Variants in DHX15 observed in about 807,000 individuals in gnomAD.
DHX15 encodes the protein DEAH-box helicase 15.
DHX15 carries 11 observed loss-of-function variants against 94.4 expected under a neutral mutation model. The observed-to-expected ratio is 0.12, with a 90% confidence interval of 0.07 to 0.19. The LOEUF is 0.19. Among genes scored for constraint, DHX15 ranks in the 10% least tolerant of loss-of-function variants. The pLI is 1.00. For missense variants in DHX15, 304 were observed against 988.5 expected (o/e 0.31, Z 9.29); for synonymous variants, 338 against 329.9 (o/e 1.02, Z -0.27).
At chr4:24,583,966 G>A (rs1236399280) in intron 1 of DHX15, among the ~76,000 whole-genome samples, 2 of 151,874 alleles carry the variant, frequency 1.3e-5, no homozygotes, top group South Asian at 4.2e-4. Flanking sequence ...CCTCTCCTCC[G>A]GCTCCAGGCC....
chr4:24,563,712 G>A (rs1032859627), intron 3 of DHX15, among the ~76,000 whole-genome samples: 2 of 152,112 alleles, frequency 1.3e-5, no homozygotes, highest in Non-Finnish European at 2.9e-5. Context: ...AAAGTAGACC[G>A]TAAATCCTTT....
intron 2 of DHX15, among the ~76,000 whole-genome samples, chr4:24,574,326 T>C (rs1427115789): frequency 2.6e-5 from 4 of 151,746 alleles, no homozygotes; most frequent in African/African-American, 9.7e-5. Flanking sequence ...CAAAGTTTAA[T>C]AAGAGCATGC....
intron 6 of DHX15, among the ~76,000 whole-genome samples, chr4:24,544,714 A>C (rs747053052): frequency 1.3e-5 from 2 of 152,244 alleles, no homozygotes; most frequent in Non-Finnish European, 2.9e-5. Flanking sequence ...AAAGGTTTTA[A>C]CACCCCCAAG....
chr4:24,581,931 T>TATA (rs1377915246), intron 1 of DHX15, among the ~76,000 whole-genome samples: 1 of 152,230 alleles, frequency 6.6e-6, no homozygotes, highest in East Asian at 1.9e-4. Flanking sequence ...TAAAGCCTTA[T>TATA]ATAGTTTGGG....
intron 5 of DHX15, among the ~76,000 whole-genome samples, 185 bp downstream of exon 5, chr4:24,554,540 T>G (rs950238625): frequency 1.3e-5 from 2 of 152,190 alleles, no homozygotes; most frequent in Non-Finnish European, 1.5e-5. Context: ...ACACAAACTC[T>G]AGTGGTATAC....
chr4:24,546,470 CAGA>C (rs1721426015), intron 6 of DHX15, among the ~76,000 whole-genome samples: 1 of 152,136 alleles, frequency 6.6e-6, no homozygotes, highest in Admixed American at 6.5e-5. Context: ...TCAAAAAATG[CAGA>C]AGTTATCTAC....
rs1224657923 is a variant in DHX15 at position 24,578,571 on chromosome 4, C to CT, written c.72-1894dup. Among the ~76,000 whole-genome samples the CT allele has an allele frequency of 3.9e-5, 6 of 151,956 alleles. No homozygotes were observed. The East Asian group carries it at 9.7e-4, about 24-fold the overall frequency. ...CAAAAAATATAATTGAAACAACTTC[C>CT]TTTTTTTTGAGATAGGATCTTGCTC... On this transcript the variant is annotated intron_variant, in intron 1 of 13. Transcript: ENST00000336812.
At position 24,543,757 on chromosome 4, in the gene DHX15, A is replaced by G. The variant is rs192009242; in HGVS notation, c.1249-731T>C. Among the ~76,000 whole-genome samples the G allele has an allele frequency of 8.1e-3, 1,236 of 152,298 alleles. 8 individuals are homozygous for G. The highest frequency in any genetic ancestry group is 0.017 in the Middle Eastern group (5 of 294). ...AGAAAATTAGTTAAGGACTTGGGAA[A>G]TACATGTTACATATAATTTTTTTTT... On this transcript the variant is annotated intron_variant, in intron 6 of 13. Transcript: ENST00000336812.
chr4:24,572,971 C>T (rs940064458), intron 2 of DHX15, among the ~76,000 whole-genome samples: 3 of 152,060 alleles, frequency 2.0e-5, no homozygotes, highest in African/African-American at 7.3e-5. Flanking sequence ...AGTGCAGGGG[C>T]GCAATCTAGG....
chr4:24,546,651 T>C (rs960859347), intron 6 of DHX15, among the ~76,000 whole-genome samples: 5 of 152,204 alleles, frequency 3.3e-5, no homozygotes, highest in African/African-American at 1.2e-4. Context: ...TCGTTCACCA[T>C]TAGTGCTGTA....
intron 3 of DHX15, among the ~76,000 whole-genome samples, chr4:24,569,991 G>A (rs1471748763): frequency 1.3e-5 from 2 of 152,216 alleles, no homozygotes; most frequent in African/African-American, 4.8e-5. Context: ...AGAATAAGCA[G>A]AAGCAACCAG....
chr4:24,552,577 T>C (rs1721631642), intron 5 of DHX15, among the ~76,000 whole-genome samples: 1 of 152,236 alleles, frequency 6.6e-6, no homozygotes, highest in Non-Finnish European at 1.5e-5. Flanking sequence ...AAAGGAGTAC[T>C]GATTTCGCAG....
Position 24,540,784 on chromosome 4 carries a change from C to A in DHX15, c.1594+56G>T, listed in dbSNP as rs1053032855. On this transcript the variant is annotated intron_variant, in intron 9 of 13. Coordinates refer to ENST00000336812, the MANE Select transcript of DHX15 (RefSeq NM_001358.3). ...ATATTAAATAGGATGGAGAAAAACA[C>A]TAAGAGTCAATTTTGGTTAAAAGAT... The A allele has an allele frequency of 2.0e-5, 20 of 991,190 alleles. No individual in the cohort carries two copies. The Middle Eastern group carries it at 9.3e-4, about 46-fold the overall frequency. 61.4% of individuals were successfully genotyped at this position (991,190 alleles called of 1,614,324 possible).
intron 5 of DHX15, among the ~76,000 whole-genome samples, chr4:24,550,565 C>T (rs1044432100): frequency 6.6e-6 from 1 of 152,010 alleles, no homozygotes; most frequent in Non-Finnish European, 1.5e-5. Context: ...TTAACCTAGG[C>T]CCCCACAGGG....
At chr4:24,541,702 A>T (rs1577335232) in intron 8 of DHX15, among the ~76,000 whole-genome samples, 171 bp downstream of exon 8, 1 of 152,008 alleles carries the variant, frequency 6.6e-6, no homozygotes, top group Non-Finnish European at 1.5e-5. Flanking sequence ...GCCTGGAATA[A>T]GGGGGTGTAC....
chr4:24,552,839 T>C (rs912825059), intron 5 of DHX15, among the ~76,000 whole-genome samples: 7 of 152,192 alleles, frequency 4.6e-5, no homozygotes, highest in South Asian at 2.1e-4. Context: ...CACTCTAGCA[T>C]ACATCTGAAA....
intron 1 of DHX15, among the ~76,000 whole-genome samples, chr4:24,578,023 G>A (rs997405707): frequency 6.6e-6 from 1 of 152,080 alleles, no homozygotes; most frequent in Non-Finnish European, 1.5e-5. Flanking sequence ...ACTCAAAAAG[G>A]GGAAAAGCCA....
chr4:24,553,752 T>C (rs1025637908), intron 5 of DHX15, among the ~76,000 whole-genome samples: 3 of 151,952 alleles, frequency 2.0e-5, no homozygotes, highest in African/African-American at 7.3e-5. Context: ...CGCTCCAGCC[T>C]GGTTGACAGA....
At chr4:24,535,164 C>G (rs924552831) in intron 11 of DHX15, among the ~76,000 whole-genome samples, 2 of 152,120 alleles carry the variant, frequency 1.3e-5, no homozygotes, top group Non-Finnish European at 2.9e-5. Context: ...CTTGGGCAAA[C>G]AATAGACTTG....
Sources: allele counts gnomAD v4.1 joint callset (sites outside exome capture counted in the v4.1 genomes callset), GRCh38; gene constraint gnomAD v4.1.1; transcripts MANE v1.5; gene names NCBI Gene and HGNC (gene_info 2026-07-23, HGNC 2026-07-21).